NT5DC1: variants seen among roughly 807,000 people sequenced by gnomAD.
The protein encoded by NT5DC1 is 5'-nucleotidase domain containing 1.
In NT5DC1, 42 loss-of-function variants were observed where a neutral mutation model predicts 59.4. The observed-to-expected ratio is 0.71, with a 90% CI of 0.55 to 0.92. The LOEUF (loss-of-function observed/expected upper bound fraction) is 0.92, where lower values mean the gene tolerates loss of function less well. NT5DC1 is among the 40% of genes least tolerant of loss of function. The pLI is 0.00. For synonymous variants in NT5DC1, 172 were observed against 188.1 expected, an observed-to-expected ratio of 0.91 and a Z score of 0.70; for missense variants, 501 against 537.1, an observed-to-expected ratio of 0.93 and a Z score of 0.66.
intron 6 of NT5DC1, among the ~76,000 whole-genome samples, chr6:116,176,096 G>A (rs1780729173): frequency 6.6e-6 from 1 of 152,196 alleles, no homozygotes; most frequent in African/African-American, 2.4e-5. Context: ...AATTGTGTGA[G>A]GTTGAATCAG....
intron 6 of NT5DC1, chr6:116,120,041 T>C (rs1453588812): frequency 6.4e-7 from 1 of 1,552,706 alleles, no homozygotes; most frequent in South Asian, 1.1e-5. Context: ...ATGCTTTTTC[T>C]AGCACAAGAT....
chr6:116,139,726 G>A (rs1779715985), intron 6 of NT5DC1, among the ~76,000 whole-genome samples: 2 of 152,038 alleles, frequency 1.3e-5, no homozygotes, highest in African/African-American at 4.8e-5. Context: ...TCTTGTCATG[G>A]GAGTAAGGAG....
In NT5DC1 at chr6:116,106,203, G is replaced by A. The variant is rs758302912; in HGVS notation, c.94-41G>A. On this transcript the variant is annotated intron_variant, in intron 1 of 11. Coordinates refer to ENST00000319550, the MANE Select transcript of NT5DC1 (RefSeq NM_152729.3). The stretch of plus-strand genomic sequence containing the variant: ...GTCTGTGACATTAAGAATGAATAGT[G>A]GGTGTTATATTTAATCTGTTTTTCT... 15 of 929,922 alleles carry A rather than the reference G, an allele frequency of 1.6e-5. No individual in the cohort carries two copies. In the Admixed American group the frequency reaches 2.4e-4, roughly 15 times the overall value. 57.6% of individuals were successfully genotyped at this position (929,922 alleles called of 1,614,324 possible).
At chr6:116,216,155 A>T (rs866383174) in intron 6 of NT5DC1, among the ~76,000 whole-genome samples, 11 of 152,238 alleles carry the variant, frequency 7.2e-5, no homozygotes, top group Middle Eastern at 3.4e-3. Flanking sequence ...GACATTTAAG[A>T]TAATTGGCAA....
intron 6 of NT5DC1, among the ~76,000 whole-genome samples, chr6:116,173,067 T>G (rs1780647701): frequency 1.3e-5 from 2 of 152,220 alleles, no homozygotes; most frequent in South Asian, 4.1e-4. Context: ...GTCATTTTTA[T>G]GTTCTTCTAT....
At chr6:116,173,490 A>G (rs1780660216) in intron 6 of NT5DC1, among the ~76,000 whole-genome samples, 1 of 152,050 alleles carries the variant, frequency 6.6e-6, no homozygotes, top group African/African-American at 2.4e-5. Flanking sequence ...GTCCCTTTAG[A>G]GCAGAGAGCT....
chr6:116,111,599 T>G (rs1021378266), intron 4 of NT5DC1, among the ~76,000 whole-genome samples: 21 of 152,342 alleles, frequency 1.4e-4, no homozygotes, highest in African/African-American at 5.1e-4. Flanking sequence ...TTTTTGACCA[T>G]TTTGCAGTTT....
chr6:116,105,438 G>C (rs561787016), intron 1 of NT5DC1, among the ~76,000 whole-genome samples: 1 of 152,298 alleles, frequency 6.6e-6, no homozygotes, highest in South Asian at 2.1e-4. Context: ...TTTGGACACT[G>C]TGCAGGTTGA....
intron 5 of NT5DC1, among the ~76,000 whole-genome samples, chr6:116,115,980 A>C (rs935071067): frequency 1.3e-5 from 2 of 152,146 alleles, no homozygotes; most frequent in Admixed American, 6.5e-5. Context: ...CAGGAAAAAT[A>C]AACCTATTCT....
intron 6 of NT5DC1, among the ~76,000 whole-genome samples, chr6:116,132,680 G>A (rs915619046): frequency 2.6e-5 from 4 of 152,082 alleles, no homozygotes; most frequent in African/African-American, 7.2e-5. Context: ...AGCTGTTGGC[G>A]AGAGAGCCCA....
chr6:116,210,467 C>G (rs1562166176), intron 6 of NT5DC1, among the ~76,000 whole-genome samples: 1 of 152,012 alleles, frequency 6.6e-6, no homozygotes, highest in South Asian at 2.1e-4. Flanking sequence ...GAAAGCAGAC[C>G]GCCTGCATTC....
intron 8 of NT5DC1, among the ~76,000 whole-genome samples, chr6:116,234,804 C>T (rs564912129): frequency 7.2e-5 from 11 of 152,208 alleles, no homozygotes; most frequent in Non-Finnish European, 1.6e-4. Flanking sequence ...TACTGTACAG[C>T]TTCCACCTCA....
In NT5DC1 at chr6:116,156,098, T is replaced by C. The variant is rs538091144; in HGVS notation, c.529+38153T>C. ...CCATCACTTAAAAATCTTGAAGTTATGTAAAGGTCAATAATACATATTTTC... is the reference window on the plus strand; with the variant it reads ...CCATCACTTAAAAATCTTGAAGTTACGTAAAGGTCAATAATACATATTTTC... On this transcript the variant is annotated intron_variant, in intron 6 of 11. Coordinates refer to ENST00000319550, the MANE Select transcript of NT5DC1 (RefSeq NM_152729.3). Among the ~76,000 whole-genome samples the C allele has an allele frequency of 1.6e-4, 25 of 152,330 alleles. 1 individual carries two copies. In the South Asian group the frequency reaches 4.6e-3, roughly 28 times the overall value.
intron 6 of NT5DC1, among the ~76,000 whole-genome samples, chr6:116,136,293 A>G (rs369178875): frequency 6.6e-6 from 1 of 152,158 alleles, no homozygotes; most frequent in East Asian, 1.9e-4. Flanking sequence ...GCTGAATAAT[A>G]TTACATGTTG....
At chr6:116,194,941 G>A (rs1781193810) in intron 6 of NT5DC1, among the ~76,000 whole-genome samples, 1 of 151,940 alleles carries the variant, frequency 6.6e-6, no homozygotes, top group Non-Finnish European at 1.5e-5. Flanking sequence ...TGGATACTGT[G>A]GCATATTTGC....
In NT5DC1 at chr6:116,207,749, C is replaced by T. The variant is rs562121343; in HGVS notation, c.530-13305C>T. 2.4e-4 allele frequency among the ~76,000 whole-genome samples: 36 copies of T among 152,028 alleles called. No homozygotes were observed. In the East Asian group the frequency reaches 3.3e-3, roughly 14 times the overall value. On this transcript the variant is annotated intron_variant, in intron 6 of 11. Transcript: ENST00000319550. ...AGCCATTACTCAACTGTGAACCCCT[C>T]GTGCCCAGGTTCCCACTGTATTTCT...
In NT5DC1 at chr6:116,238,345, T is replaced by TGA; in HGVS notation, c.1082_1083dup (p.Gly362ArgfsTer8). 6.3e-7 allele frequency: 1 copy of TGA among 1,593,006 alleles called. No homozygotes were observed. Among genetic ancestry groups the TGA allele is most frequent in the Non-Finnish European group, 8.5e-7 (1 of 1,172,398 alleles). ...AGCCTCTAGAGAAGAAAGGAAAATA[T>TGA]GAGGTAAGGGTTCCCTGCAGCTCTT... On this transcript the variant is annotated frameshift_variant, in exon 10 of 12. Transcript: ENST00000319550. LOFTEE classifies it high-confidence loss of function.
intron 6 of NT5DC1, among the ~76,000 whole-genome samples, chr6:116,181,504 C>A (rs767566038): frequency 7.9e-5 from 12 of 152,012 alleles, no homozygotes; most frequent in Non-Finnish European, 1.6e-4. Flanking sequence ...AAAAGAACTT[C>A]TTTAATCCCA....
rs561002009 is a variant in NT5DC1, at chr6:116,218,649, T to C, written c.530-2405T>C. Among the ~76,000 whole-genome samples the C allele has an allele frequency of 3.9e-5, 6 of 152,298 alleles. No homozygotes were observed. The East Asian group carries it at 1.2e-3, about 29-fold the overall frequency. ...GAAACAGAGAATATATTTTAATTTTTTTAAAGGGCTATTATATAGCCTCTG... is the reference window on the plus strand; with the variant it reads ...GAAACAGAGAATATATTTTAATTTTCTTAAAGGGCTATTATATAGCCTCTG... On this transcript the variant is annotated intron_variant, in intron 6 of 11. Transcript: ENST00000319550.
Sources: allele counts gnomAD v4.1 joint callset (sites outside exome capture counted in the v4.1 genomes callset), GRCh38; gene constraint gnomAD v4.1.1; transcripts MANE v1.5; gene names NCBI Gene and HGNC (gene_info 2026-07-23, HGNC 2026-07-21).